The following PPP2R2A variants were observed in gnomAD, a reference collection of about 807,000 sequenced individuals.
The protein encoded by PPP2R2A is protein phosphatase 2 regulatory subunit Balpha, also known as serine/threonine-protein phosphatase 2A 55 kDa regulatory subunit B alpha isoform.
PPP2R2A carries 9 observed loss-of-function variants against 53.2 expected under a neutral mutation model. The observed-to-expected ratio is 0.17, with a 90% CI of 0.10 to 0.30. The LOEUF (loss-of-function observed/expected upper bound fraction) is 0.30, where lower values mean the gene tolerates loss of function less well. PPP2R2A is among the 10% of genes least tolerant of loss of function. The pLI, the probability that PPP2R2A is intolerant of heterozygous loss-of-function variation, is 1.00. For synonymous variants in PPP2R2A, 169 were observed against 174.2 expected, an observed-to-expected ratio of 0.97 and a Z score of 0.23; for missense variants, 235 against 534.6, an observed-to-expected ratio of 0.44 and a Z score of 5.53.
intron 3 of PPP2R2A, among the ~76,000 whole-genome samples, chr8:26,345,875 G>A (rs901344890): frequency 6.6e-6 from 1 of 152,040 alleles, no homozygotes; most frequent in Non-Finnish European, 1.5e-5. Context: ...ATTTGGATGG[G>A]CCACATATTG....
intron 4 of PPP2R2A, chr8:26,359,072 T>C: frequency 2.6e-6 from 1 of 381,712 alleles, no homozygotes; most frequent in Non-Finnish European, 5.5e-6. Flanking sequence ...TGAACAATGC[T>C]GTGAGAAGTC....
intron 2 of PPP2R2A, among the ~76,000 whole-genome samples, chr8:26,333,241 G>A (rs1240261587): frequency 6.6e-6 from 1 of 152,176 alleles, no homozygotes; most frequent in African/African-American, 2.4e-5. Flanking sequence ...CAACTCATGG[G>A]CATGGCTAAG....
At chr8:26,328,429 C>T (rs1803203253) in intron 2 of PPP2R2A, among the ~76,000 whole-genome samples, 1 of 152,112 alleles carries the variant, frequency 6.6e-6, no homozygotes. Flanking sequence ...AGTATTGCCT[C>T]TTTTTAAAAA....
intron 2 of PPP2R2A, among the ~76,000 whole-genome samples, chr8:26,304,256 T>C (rs1263295584): frequency 6.6e-6 from 1 of 151,764 alleles, no homozygotes; most frequent in South Asian, 2.1e-4. Context: ...ATACCAGACT[T>C]GACAGATTTA....
Position 26,321,224 on chromosome 8 carries a change from G to A in PPP2R2A, c.83-17666G>A, listed in dbSNP as rs907066875. Reference sequence around the variant, plus strand: ...ATAGCCAGAGTTAGAATTGAAGGGGGAGCCACTGGACAATTGGTTCATGTA... The same window carrying A: ...ATAGCCAGAGTTAGAATTGAAGGGGAAGCCACTGGACAATTGGTTCATGTA... On this transcript the variant is annotated intron_variant, in intron 2 of 9. Coordinates refer to ENST00000380737, the MANE Select transcript of PPP2R2A (RefSeq NM_002717.4). This position sits in a 1 kb window ranked among gnomAD's most constrained non-coding sequence, Gnocchi z 4.1. 6.6e-6 allele frequency among the ~76,000 whole-genome samples: 1 copy of A among 152,210 alleles called. No homozygotes were observed.
chr8:26,360,905 T>C lies in PPP2R2A; in HGVS notation c.460-69T>C. ...CTCAAAAACTGAAATAATGAAGTTT[T>C]CTGAATCTTAATTGCTATTTGAAAC... On this transcript the variant is annotated intron_variant, in intron 5 of 9. Transcript: ENST00000380737. The surrounding 1 kb of genome is among the most constrained non-coding windows in gnomAD (Gnocchi z 4.5). 6.9e-7 allele frequency: 1 copy of C among 1,442,362 alleles called. No homozygotes were observed. Among genetic ancestry groups the C allele is most frequent in the Non-Finnish European group, 9.4e-7 (1 of 1,066,936 alleles). The allele number at this position is 1,442,362 out of a possible 1,614,324, so 89.3% of individuals were successfully genotyped here. A position where few individuals can be genotyped will look rare whatever the true frequency, so the allele number is the denominator to read the frequency against.
At chr8:26,340,890 A>G (rs1205213270) in intron 3 of PPP2R2A, among the ~76,000 whole-genome samples, 1 of 152,132 alleles carries the variant, frequency 6.6e-6, no homozygotes, top group African/African-American at 2.4e-5. Flanking sequence ...AAAATAAGAC[A>G]AAATTATTTT....
chr8:26,307,485 C>G (rs1802075700), intron 2 of PPP2R2A, among the ~76,000 whole-genome samples: 1 of 152,166 alleles, frequency 6.6e-6, no homozygotes, highest in African/African-American at 2.4e-5. Flanking sequence ...ACACGTAGGC[C>G]TTTTTGGTCA....
chr8:26,337,631 T>C (rs1182615476), intron 2 of PPP2R2A, among the ~76,000 whole-genome samples: 1 of 152,234 alleles, frequency 6.6e-6, no homozygotes, highest in African/African-American at 2.4e-5. Flanking sequence ...TTTTACGCCT[T>C]TTATGTTACT....
intron 2 of PPP2R2A, among the ~76,000 whole-genome samples, chr8:26,326,935 C>G (rs895430708): frequency 3.3e-5 from 5 of 152,168 alleles, no homozygotes; most frequent in African/African-American, 1.2e-4. Flanking sequence ...AGCTGTTTAT[C>G]TTTCTGTTCT....
At chr8:26,295,888 A>T (rs1039607155) in intron 2 of PPP2R2A, among the ~76,000 whole-genome samples, 1 of 152,158 alleles carries the variant, frequency 6.6e-6, no homozygotes, top group Non-Finnish European at 1.5e-5. Context: ...TCTGAAGTAA[A>T]ATAAGGTTAT....
chr8:26,310,540 C>T (rs1193113552), intron 2 of PPP2R2A, among the ~76,000 whole-genome samples: 2 of 151,478 alleles, frequency 1.3e-5, no homozygotes, highest in Non-Finnish European at 2.9e-5. Context: ...TTCATTTAGA[C>T]ATTTAGATTG....
rs1340670859 is a variant in PPP2R2A, at chr8:26,293,182, T to A, written c.8-484T>A. 10 of 1,486,618 alleles carry A rather than the reference T, an allele frequency of 6.7e-6. No homozygotes were observed. In the African/African-American group the frequency reaches 1.3e-4, roughly 19 times the overall value. The allele number at this position is 1,486,618 out of a possible 1,614,324, so 92.1% of individuals were successfully genotyped here. ...AATGAATGCAAAGAAATGGGTGTAG[T>A]GTTTGCTGTGTGTGCACTTTGGTGA... is the stretch of plus-strand genomic sequence containing the variant. On this transcript the variant is annotated intron_variant, in intron 1 of 9. Transcript: ENST00000380737.
intron 2 of PPP2R2A, among the ~76,000 whole-genome samples, chr8:26,332,068 T>TA (rs1270191758): frequency 6.6e-6 from 1 of 152,052 alleles, no homozygotes; most frequent in Non-Finnish European, 1.5e-5. Context: ...TAAAAATACT[T>TA]AAACAGGCCA....
Position 26,328,300 on chromosome 8 carries a change from A to G in PPP2R2A, c.83-10590A>G, listed in dbSNP as rs766613871. On this transcript the variant is annotated intron_variant, in intron 2 of 9. Coordinates refer to ENST00000380737, the MANE Select transcript of PPP2R2A (RefSeq NM_002717.4). The stretch of plus-strand genomic sequence containing the variant: ...TTTATAGAACTCACTGAGAGAGTTC[A>G]GTTCTAAAAACTTAGTATGAACTAT... 1.4e-4 allele frequency among the ~76,000 whole-genome samples: 21 copies of G among 152,240 alleles called. 1 individual carries two copies. The highest frequency in any genetic ancestry group is 2.6e-4 in the Non-Finnish European group (18 of 68,032).
intron 3 of PPP2R2A, among the ~76,000 whole-genome samples, chr8:26,353,503 A>T (rs533105451): frequency 6.6e-5 from 10 of 152,320 alleles, no homozygotes; most frequent in Admixed American, 5.9e-4. Context: ...CTTTTACTTA[A>T]AATAGTTGAC....
intron 2 of PPP2R2A, among the ~76,000 whole-genome samples, chr8:26,313,407 A>G (rs899848288): frequency 9.9e-5 from 15 of 152,134 alleles, no homozygotes; most frequent in African/African-American, 3.4e-4. Context: ...AATGGTAGCT[A>G]AGAACTGAGG....
intron 2 of PPP2R2A, among the ~76,000 whole-genome samples, chr8:26,327,181 T>C (rs1803133075): frequency 6.6e-6 from 1 of 152,156 alleles, no homozygotes; most frequent in South Asian, 2.1e-4. Context: ...CCATCTTCTC[T>C]TTAGAGTATG....
At chr8:26,293,043 TTG>T in intron 1 of PPP2R2A, 1 of 443,234 alleles carries the variant, frequency 2.3e-6, no homozygotes, top group Non-Finnish European at 4.0e-6. Flanking sequence ...GCCAGGTCCT[TTG>T]GAGTCAAGGG....
Sources: allele counts gnomAD v4.1 joint callset (sites outside exome capture counted in the v4.1 genomes callset), GRCh38; gene constraint gnomAD v4.1.1; non-coding constraint Gnocchi (gnomAD v3.1); transcripts MANE v1.5; gene names NCBI Gene and HGNC (gene_info 2026-07-23, HGNC 2026-07-21).